The following XRN1 variants were observed in gnomAD, a reference collection of about 807,000 sequenced individuals.
XRN1 encodes the protein 5'-3' exoribonuclease 1, also known as strand-exchange protein 1 homolog.
Under a neutral mutation model 222.3 loss-of-function variants are expected in XRN1, and 67 were observed. The ratio of observed to expected loss-of-function variants is 0.30; its 90% CI spans 0.25 to 0.37. The LOEUF (loss-of-function observed/expected upper bound fraction) is 0.37. Among genes scored for constraint, XRN1 ranks in the 10% least tolerant of loss-of-function variants. The pLI, the probability that XRN1 is intolerant of heterozygous loss-of-function variation, is 1.00. For missense variants in XRN1, 1,707 were observed against 2,000.2 expected (o/e 0.85, Z 2.80); for synonymous variants, 643 against 652.4 (o/e 0.99, Z 0.22).
intron 20 of XRN1, among the ~76,000 whole-genome samples, chr3:142,390,186 C>A (rs1050747987): frequency 1.3e-5 from 2 of 152,212 alleles, no homozygotes; most frequent in African/African-American, 4.8e-5. Flanking sequence ...TCAATGAGCA[C>A]CGGGTTCAAC....
intron 1 of XRN1, among the ~76,000 whole-genome samples, chr3:142,440,047 G>C (rs1012025997): frequency 6.6e-6 from 1 of 152,106 alleles, no homozygotes; most frequent in Non-Finnish European, 1.5e-5. Flanking sequence ...CAGGACTGAG[G>C]GTGCCCGGGG....
chr3:142,328,404 C>A (rs1335183752), intron 37 of XRN1, among the ~76,000 whole-genome samples: 1 of 151,962 alleles, frequency 6.6e-6, no homozygotes, highest in Non-Finnish European at 1.5e-5. Context: ...AAGGGCCATT[C>A]AGAAACATAA....
At chr3:142,360,647 G>A (rs994543062) in intron 29 of XRN1, among the ~76,000 whole-genome samples, 1 of 151,692 alleles carries the variant, frequency 6.6e-6, no homozygotes, top group Non-Finnish European at 1.5e-5. Context: ...GGTGGATCAC[G>A]AGGTCAGGAG....
At chr3:142,411,167 G>A (rs1431720422) in intron 15 of XRN1, among the ~76,000 whole-genome samples, 1 of 152,070 alleles carries the variant, frequency 6.6e-6, no homozygotes, top group Non-Finnish European at 1.5e-5. Flanking sequence ...ACTATATGAA[G>A]GAACTATAAG....
At chr3:142,415,265 A>G (rs1293421516) in intron 13 of XRN1, among the ~76,000 whole-genome samples, 3 of 152,128 alleles carry the variant, frequency 2.0e-5, no homozygotes, top group Non-Finnish European at 4.4e-5. Flanking sequence ...ATATGCTTCT[A>G]ATGTTTGAGT....
At position 142,413,201 on chromosome 3, in the gene XRN1, C is replaced by T. The variant is rs920404753; in HGVS notation, c.1594-538G>A. On this transcript the variant is annotated intron_variant, in intron 14 of 40. Transcript: ENST00000392981. ...ATAACACATTTCTATGACTTTATAA[C>T]GGAGGTAGACAAAGAAAGCATAAGG... 5.3e-5 allele frequency among the ~76,000 whole-genome samples: 8 copies of T among 152,150 alleles called. No homozygotes were observed. In the East Asian group the frequency reaches 7.7e-4, roughly 15 times the overall value.
chr3:142,339,118 G>A (rs2065919277), intron 33 of XRN1, among the ~76,000 whole-genome samples: 2 of 152,132 alleles, frequency 1.3e-5, no homozygotes, highest in African/African-American at 2.4e-5. Context: ...AGGTATGGCG[G>A]GCTGTGGGCG....
At chr3:142,444,895 T>C (rs1384047748) in intron 1 of XRN1, among the ~76,000 whole-genome samples, 1 of 152,184 alleles carries the variant, frequency 6.6e-6, no homozygotes, top group Non-Finnish European at 1.5e-5. Flanking sequence ...AAAAATACTG[T>C]TTTACAACAT....
At chr3:142,419,670 G>A (rs1329714657) in intron 10 of XRN1, among the ~76,000 whole-genome samples, 2 of 152,100 alleles carry the variant, frequency 1.3e-5, no homozygotes, top group Non-Finnish European at 2.9e-5. Flanking sequence ...TTAGCTGGGT[G>A]GTGGCGCGCA....
chr3:142,330,215 A>G (rs1258386079), intron 36 of XRN1, among the ~76,000 whole-genome samples: 1 of 152,226 alleles, frequency 6.6e-6, no homozygotes, highest in Non-Finnish European at 1.5e-5. Flanking sequence ...GGCTTTCTTG[A>G]GCTGAAATAT....
chr3:142,395,002 T>C (rs1408297433), intron 20 of XRN1, among the ~76,000 whole-genome samples: 11 of 152,320 alleles, frequency 7.2e-5, no homozygotes, highest in Admixed American at 2.6e-4. Context: ...TTAAGATACA[T>C]GGAGATATGA....
chr3:142,327,481 T>G (rs567371488), intron 37 of XRN1, among the ~76,000 whole-genome samples: 2 of 152,182 alleles, frequency 1.3e-5, no homozygotes, highest in South Asian at 4.1e-4. Context: ...CATATGGATA[T>G]TCTCTCTTTT....
chr3:142,332,433 G>A lies in XRN1; in HGVS notation c.4164C>T (p.Ser1388=), dbSNP rs767754996. 1.9e-6 allele frequency: 3 copies of A among 1,613,010 alleles called. No homozygotes were observed. The highest frequency in any genetic ancestry group is 1.1e-5 in the South Asian group (1 of 91,020). ...ATCCATATTCATCTCTTCTGTTAGA[G>A]GAAACAGGGATTTCATTAGCAATCT... ...IKQIANEIPV[S]SNRRDEYGLP... Residue 1388 remains serine (S), a synonymous_variant, in exon 36 of 41, where the codon TCC becomes TCT. Coordinates refer to ENST00000392981, the MANE Select transcript of XRN1 (RefSeq NM_001282857.2).
chr3:142,361,021 C>T (rs989628164), intron 29 of XRN1, among the ~76,000 whole-genome samples: 1 of 152,184 alleles, frequency 6.6e-6, no homozygotes, highest in African/African-American at 2.4e-5. Context: ...AGGATAATCA[C>T]TTCCAAAACT....
At chr3:142,315,991 G>A (rs529917370) in intron 39 of XRN1, among the ~76,000 whole-genome samples, 2 of 151,874 alleles carry the variant, frequency 1.3e-5, no homozygotes, top group Non-Finnish European at 2.9e-5. Flanking sequence ...TAGTTTTTTT[G>A]CATTACCCCT....
chr3:142,435,063 A>T (rs2069814479), intron 1 of XRN1: 1 of 152,212 alleles, frequency 6.6e-6, no homozygotes, highest in Non-Finnish European at 1.5e-5. Flanking sequence ...TAATTCAATT[A>T]AAAATGACAA....
chr3:142,417,337 C>A, intron 12 of XRN1, 108 bp from the exon 13 acceptor site: 1 of 855,936 alleles, frequency 1.2e-6, no homozygotes, highest in Non-Finnish European at 1.8e-6. Context: ...TTTATTTAAT[C>A]AATGAATTAG....
intron 20 of XRN1, among the ~76,000 whole-genome samples, chr3:142,386,657 C>T (rs1032310898): frequency 6.6e-6 from 1 of 151,926 alleles, no homozygotes; most frequent in East Asian, 1.9e-4. Flanking sequence ...AGATAATCAA[C>T]CCAATTTTAA....
chr3:142,343,408 C>T (rs908430604), intron 33 of XRN1, among the ~76,000 whole-genome samples: 2 of 151,162 alleles, frequency 1.3e-5, no homozygotes, highest in Non-Finnish European at 2.9e-5. Context: ...GAGCTGAGAT[C>T]GCACCATTGC....
Sources: allele counts gnomAD v4.1 joint callset (sites outside exome capture counted in the v4.1 genomes callset), GRCh38; gene constraint gnomAD v4.1.1; transcripts MANE v1.5; gene names NCBI Gene and HGNC (gene_info 2026-07-23, HGNC 2026-07-21).